The following PDE3B variants were observed in gnomAD, a reference collection of about 807,000 sequenced individuals.
PDE3B encodes cGMP-inhibited 3',5'-cyclic phosphodiesterase 3B.
A neutral mutation model predicts 116.8 loss-of-function variants in PDE3B; 66 were observed. That is an observed-to-expected ratio of 0.56 (90% CI 0.46 to 0.69). The LOEUF (loss-of-function observed/expected upper bound fraction) is 0.69. Ranked by LOEUF, PDE3B falls within the 30% of genes least tolerant of loss-of-function variation. PDE3B has a pLI of 0.00. For synonymous variants in PDE3B, 595 were observed against 533.6 expected, an observed-to-expected ratio of 1.12 and a Z score of -1.59; for missense variants, 1,384 against 1,368.1, an observed-to-expected ratio of 1.01 and a Z score of -0.18.
chr11:14,690,223 G>T (rs978857009), intron 1 of PDE3B, among the ~76,000 whole-genome samples: 10 of 152,106 alleles, frequency 6.6e-5, no homozygotes, highest in Non-Finnish European at 1.0e-4. Context: ...GCTAGTCTGG[G>T]AAAAATTCTT....
intron 5 of PDE3B, among the ~76,000 whole-genome samples, chr11:14,809,716 G>A (rs986909336): frequency 3.3e-5 from 5 of 152,130 alleles, no homozygotes; most frequent in African/African-American, 9.7e-5. Context: ...GAGGCCTGAG[G>A]AAGCTAGCTA....
intron 11 of PDE3B, among the ~76,000 whole-genome samples, chr11:14,840,689 A>C (rs1034792634): frequency 1.3e-5 from 2 of 152,148 alleles, no homozygotes; most frequent in African/African-American, 4.8e-5. Context: ...GGATCACTCA[A>C]AGGTATCTTT....
intron 7 of PDE3B, among the ~76,000 whole-genome samples, chr11:14,829,612 C>A (rs1244558285): frequency 1.3e-5 from 2 of 151,930 alleles, no homozygotes; most frequent in Non-Finnish European, 2.9e-5. Context: ...AAACCAAATA[C>A]TGTCACTTAT....
intron 12 of PDE3B, among the ~76,000 whole-genome samples, chr11:14,850,118 G>A (rs1414911091): frequency 1.3e-5 from 2 of 152,158 alleles, no homozygotes; most frequent in African/African-American, 4.8e-5. Flanking sequence ...ACTGGATGAA[G>A]AAAATGTGGC....
chr11:14,797,309 A>C (rs558659177), intron 4 of PDE3B, among the ~76,000 whole-genome samples: 1 of 152,338 alleles, frequency 6.6e-6, no homozygotes, highest in Admixed American at 6.5e-5. Context: ...CAGGCAGGCA[A>C]ACAGGGTGTT....
intron 1 of PDE3B, among the ~76,000 whole-genome samples, chr11:14,695,336 T>G (rs1855172223): frequency 6.6e-6 from 1 of 152,094 alleles, no homozygotes; most frequent in African/African-American, 2.4e-5. Flanking sequence ...CACAATTTAT[T>G]TATTCATTTT....
chr11:14,771,943 CT>C lies in PDE3B; in HGVS notation c.988del (p.Trp330GlyfsTer5). On this transcript the variant is annotated frameshift_variant, in exon 2 of 16. Transcript: ENST00000282096. LOFTEE classifies it high-confidence loss of function. ...AGTGAATTTTTTTTTCTAGATGATT[CT>C]TTGGGATTGGGACTTAAAACAATGG... ...LPCISREQMI[L>X]WDWDLKQWYK... The C allele has an allele frequency of 7.6e-7, 1 of 1,322,436 alleles. No homozygotes were observed. Among genetic ancestry groups the C allele is most frequent in the South Asian group, 1.8e-5 (1 of 56,308 alleles). The allele number at this position is 1,322,436 out of a possible 1,614,324, so 81.9% of individuals were successfully genotyped here.
At chr11:14,779,254 A>T (rs1410429336) in intron 2 of PDE3B, among the ~76,000 whole-genome samples, 1 of 152,236 alleles carries the variant, frequency 6.6e-6, no homozygotes, top group African/African-American at 2.4e-5. Flanking sequence ...TCAGGATATT[A>T]TCCAGGAGAA....
intron 11 of PDE3B, among the ~76,000 whole-genome samples, chr11:14,840,318 G>T (rs1000440765): frequency 6.6e-6 from 1 of 152,088 alleles, no homozygotes; most frequent in Non-Finnish European, 1.5e-5. Flanking sequence ...TTGCACTTTG[G>T]TAGAATCTGA....
chr11:14,784,006 G>T (rs1475954016), intron 2 of PDE3B, among the ~76,000 whole-genome samples: 1 of 152,158 alleles, frequency 6.6e-6, no homozygotes, highest in East Asian at 1.9e-4. Flanking sequence ...GATTCTCATA[G>T]GAGCACAAAT....
At chr11:14,866,893 C>A (rs879988873) in intron 14 of PDE3B, among the ~76,000 whole-genome samples, 18 of 152,126 alleles carry the variant, frequency 1.2e-4, no homozygotes, top group Admixed American at 5.2e-4. Context: ...CAACACCACA[C>A]AGGTAGTAGT....
intron 1 of PDE3B, among the ~76,000 whole-genome samples, chr11:14,730,515 T>C (rs1377070557): frequency 6.6e-6 from 1 of 152,208 alleles, no homozygotes; most frequent in East Asian, 1.9e-4. Context: ...GCATAAATTA[T>C]TTTAAAATTT....
chr11:14,730,211 CCAGTT>C, intron 1 of PDE3B, among the ~76,000 whole-genome samples: 1 of 152,158 alleles, frequency 6.6e-6, no homozygotes, highest in African/African-American at 2.4e-5. Flanking sequence ...TCATTATCTC[CCAGTT>C]TAAAGATGGG....
At chr11:14,782,162 CACAA>C (rs975732108) in intron 2 of PDE3B, among the ~76,000 whole-genome samples, 2 of 150,148 alleles carry the variant, frequency 1.3e-5, no homozygotes, top group African/African-American at 4.9e-5. Flanking sequence ...TAAAAGAGGA[CACAA>C]ACAAGTGACA....
chr11:14,716,334 G>C (rs897493367), intron 1 of PDE3B, among the ~76,000 whole-genome samples: 1 of 152,124 alleles, frequency 6.6e-6, no homozygotes, highest in African/African-American at 2.4e-5. Context: ...GCGGCAGCGA[G>C]GCTGGGGGAG....
At chr11:14,726,107 A>G (rs1856299517) in intron 1 of PDE3B, among the ~76,000 whole-genome samples, 1 of 151,874 alleles carries the variant, frequency 6.6e-6, no homozygotes, top group African/African-American at 2.4e-5. Flanking sequence ...CTTCCCCCAT[A>G]TTTTCACTTA....
At chr11:14,645,840 G>C (rs779413019) in intron 1 of PDE3B, among the ~76,000 whole-genome samples, 5 of 151,960 alleles carry the variant, frequency 3.3e-5, no homozygotes, top group Admixed American at 6.6e-5. Flanking sequence ...TATTGGAAAA[G>C]CTACCTGTTG....
rs75573005 is a variant in PDE3B at position 14,825,289 on chromosome 11, C to T, written c.1808-5409C>T. ...AGGAACAAATCCACACACATCTATA[C>T]TAACCTTGAGTGTAAATGGGCTAAA... On this transcript the variant is annotated intron_variant, in intron 7 of 15. Coordinates refer to ENST00000282096, the MANE Select transcript of PDE3B (RefSeq NM_000922.4). Among the ~76,000 whole-genome samples, 62 of 152,286 alleles carry T rather than the reference C, an allele frequency of 4.1e-4. No individual in the cohort carries two copies. In the East Asian group the frequency reaches 0.011, roughly 27 times the overall value.
intron 1 of PDE3B, chr11:14,673,692 A>G (rs1854443481): frequency 1.4e-6 from 1 of 739,094 alleles, no homozygotes; most frequent in Non-Finnish European, 2.6e-6. Context: ...AAGATAATTC[A>G]GTAATTAAGC....
Sources: gnomAD v4.1 joint callset for allele counts (sites outside exome capture counted in the v4.1 genomes callset) on GRCh38, gnomAD v4.1.1 for gene constraint, MANE v1.5 for transcripts, NCBI Gene and HGNC (gene_info 2026-07-23, HGNC 2026-07-21) for gene names.